The following F13B variants were observed in gnomAD, a reference collection of about 807,000 sequenced individuals.
F13B encodes the protein TGase.
F13B carries 58 observed loss-of-function variants against 79.8 expected under a neutral mutation model. That is an observed-to-expected ratio of 0.73 (90% confidence interval 0.59 to 0.90). The LOEUF is 0.90. Among genes scored for constraint, F13B ranks in the 40% least tolerant of loss-of-function variants. The pLI is 0.00. For synonymous variants in F13B, 283 were observed against 260.3 expected (o/e 1.09, Z -0.84); for missense variants, 773 against 777.0 (o/e 0.99, Z 0.06).
chr1:197,047,182 C>T (rs1420664484), intron 10 of F13B, among the ~76,000 whole-genome samples: 1 of 152,092 alleles, frequency 6.6e-6, no homozygotes, highest in East Asian at 1.9e-4. Flanking sequence ...AACTAAAGAG[C>T]TTCTGCACAG....
Position 197,039,120 on chromosome 1 carries a change from A to T in F13B, c.*258T>A. ...TAGTCAATGGGCATTAGGAAATGAAAATATGATGTGTAGATTAATTTGTAA... is the reference window on the plus strand; with the variant it reads ...TAGTCAATGGGCATTAGGAAATGAATATATGATGTGTAGATTAATTTGTAA... On this transcript the variant is annotated 3_prime_UTR_variant, in exon 12 of 12. Coordinates refer to ENST00000367412, the MANE Select transcript of F13B (RefSeq NM_001994.3). 2.4e-6 allele frequency: 1 copy of T among 422,640 alleles called. No homozygotes were observed. The highest frequency in any genetic ancestry group is 4.1e-5 in the East Asian group (1 of 24,104). 26.2% of individuals were successfully genotyped at this position (422,640 alleles called of 1,614,324 possible).
At position 197,040,003 on chromosome 1, in the gene F13B, C is replaced by T. The variant is rs182049759; in HGVS notation, c.1952+519G>A. The T allele has an allele frequency of 8.0e-4, 123 of 153,042 alleles. 1 individual carries two copies. The highest frequency in any genetic ancestry group is 8.0e-4 in the Non-Finnish European group (55 of 68,630). The allele number at this position is 153,042 out of a possible 1,614,324, so 9.5% of individuals were successfully genotyped here. On this transcript the variant is annotated intron_variant, in intron 11 of 11. Coordinates refer to ENST00000367412, the MANE Select transcript of F13B (RefSeq NM_001994.3). The stretch of plus-strand genomic sequence containing the variant: ...ACATCATTTTATTATACTTTTTTAA[C>T]ATTTCTCTAAGAAAATTGTTAAATT...
Position 197,041,320 on chromosome 1 carries a change from A to G in F13B, c.1739-585T>C, listed in dbSNP as rs566062265. ...GTTTTAAATTCTAAGCATACAAAGT[A>G]TAGTTGTGTCCTTTCCCATGTATCG... On this transcript the variant is annotated intron_variant, in intron 10 of 11. Coordinates refer to ENST00000367412, the MANE Select transcript of F13B (RefSeq NM_001994.3). Among the ~76,000 whole-genome samples, 17 of 152,326 alleles carry G rather than the reference A, an allele frequency of 1.1e-4. No individual in the cohort carries two copies. In the South Asian group the frequency reaches 3.5e-3, roughly 32 times the overall value.
rs190518227 is a variant in F13B, at chr1:197,060,843, T to C, written c.628+56A>G. On this transcript the variant is annotated intron_variant, in intron 4 of 11. Transcript: ENST00000367412. ...GAGCATGACAACTTATATACACTTC[T>C]CTATGAGAAAAAGCTTTCAGAGTGA... 895 of 1,497,646 alleles carry C rather than the reference T, an allele frequency of 6.0e-4. 1 individual carries two copies. The African/African-American group carries it at 0.01, about 17-fold the overall frequency. The allele number at this position is 1,497,646 out of a possible 1,614,324, so 92.8% of individuals were successfully genotyped here. A position where few individuals can be genotyped will look rare whatever the true frequency, so the allele number is the denominator to read the frequency against.
intron 8 of F13B, among the ~76,000 whole-genome samples, chr1:197,054,571 A>G (rs1036833380): frequency 1.3e-4 from 20 of 151,712 alleles, no homozygotes; most frequent in African/African-American, 1.9e-4. Flanking sequence ...ATGATTCTCA[A>G]TTGGATAAAA....
intron 11 of F13B, among the ~76,000 whole-genome samples, chr1:197,039,749 A>G (rs17514823): frequency 0.018 from 2,789 of 152,110 alleles, 87 homozygotes; most frequent in African/African-American, 0.063. Context: ...AATTTTTCCC[A>G]CTATTGTGTG....
chr1:197,065,256 C>G (rs1324095568), intron 1 of F13B, among the ~76,000 whole-genome samples: 1 of 152,130 alleles, frequency 6.6e-6, no homozygotes, highest in Non-Finnish European at 1.5e-5. Context: ...GACTCTCTGT[C>G]CTGGGACATC....
In F13B at chr1:197,050,759, A is replaced by C. The variant is rs547842597; in HGVS notation, c.1676T>G (p.Leu559Arg). 16 of 1,613,426 alleles carry C rather than the reference A, an allele frequency of 9.9e-6. 1 individual carries two copies. The Admixed American group carries it at 1.3e-4, about 13-fold the overall frequency. ...VEYRCFDHHF[L>R]EGSREAYCLD... is the part of the protein sequence containing the mutation. ...ACAATAGGCCTCCCTAGATCCTTCT[A>C]GGAAATGGTGATCAAAACATCTGTA... The change falls in exon 10 of 12, where the codon CTA becomes CGA. Residue 559 changes from leucine to arginine, a missense_variant. Coordinates refer to ENST00000367412, the MANE Select transcript of F13B (RefSeq NM_001994.3).
At chr1:197,051,578 C>T (rs1405959105) in intron 9 of F13B, among the ~76,000 whole-genome samples, 2 of 152,064 alleles carry the variant, frequency 1.3e-5, no homozygotes, top group South Asian at 2.1e-4. Context: ...AGTCTGGCAA[C>T]ATTTATAAAA....
chr1:197,058,957 T>C (rs1463392354), intron 5 of F13B, among the ~76,000 whole-genome samples: 1 of 152,180 alleles, frequency 6.6e-6, no homozygotes, highest in Non-Finnish European at 1.5e-5. Context: ...CCATTTATTT[T>C]TGAAGTAGCA....
At chr1:197,046,012 C>T (rs1029631788) in intron 10 of F13B, among the ~76,000 whole-genome samples, 2 of 152,064 alleles carry the variant, frequency 1.3e-5, no homozygotes, top group Non-Finnish European at 2.9e-5. Context: ...AGGGAATGTA[C>T]CTCAAAATAA....
chr1:197,040,448 C>T, intron 11 of F13B, 74 bp downstream of exon 11: 1 of 1,034,148 alleles, frequency 9.7e-7, no homozygotes, highest in Admixed American at 1.7e-5. Context: ...TGGTATAGAA[C>T]ATAACATTTC....
intron 10 of F13B, among the ~76,000 whole-genome samples, chr1:197,048,323 A>G (rs895039942): frequency 6.6e-6 from 1 of 151,870 alleles, no homozygotes; most frequent in Non-Finnish European, 1.5e-5. Context: ...CTATTCCATT[A>G]CAAGGGAAAA....
At chr1:197,062,758 T>C in intron 2 of F13B, 99 bp downstream of exon 2, 1 of 1,144,260 alleles carries the variant, frequency 8.7e-7, no homozygotes, top group Non-Finnish European at 1.3e-6. Flanking sequence ...TCTTATCTAC[T>C]AAAAGGTTTA....
chr1:197,057,237 T>C, intron 6 of F13B, 39 bp from the exon 7 acceptor site: 4 of 1,613,912 alleles, frequency 2.5e-6, no homozygotes, highest in Non-Finnish European at 2.5e-6. Flanking sequence ...ACCATTTAGC[T>C]ACACATGCAG....
At position 197,060,896 on chromosome 1, in the gene F13B, T is replaced by C; in HGVS notation, c.628+3A>G. On this transcript the variant is annotated splice_donor_region_variant and intron_variant, in intron 4 of 11. Transcript: ENST00000367412. The stretch of plus-strand genomic sequence containing the variant: ...GTAGATTTTATTCCAAATGAGAACC[T>C]ACTGGTACATTTTGGTGTGAGAGAC... 6.2e-7 allele frequency: 1 copy of C among 1,612,250 alleles called. No individual in the cohort carries two copies. The highest frequency in any genetic ancestry group is 8.5e-7 in the Non-Finnish European group (1 of 1,178,608).
chr1:197,063,136 C>T, intron 1 of F13B, 79 bp from the exon 2 acceptor site: 3 of 1,323,092 alleles, frequency 2.3e-6, no homozygotes, highest in Non-Finnish European at 3.2e-6. Context: ...ACAATACAAA[C>T]TAAAAGTTTT....
chr1:197,066,339 GC>G (rs1186767875), intron 1 of F13B, among the ~76,000 whole-genome samples: 5 of 152,036 alleles, frequency 3.3e-5, no homozygotes, highest in African/African-American at 1.2e-4. Flanking sequence ...AAGCTGTATT[GC>G]TGTAGCTTCC....
chr1:197,049,623 T>G (rs1655367698), intron 10 of F13B, among the ~76,000 whole-genome samples: 4 of 152,084 alleles, frequency 2.6e-5, no homozygotes, highest in Non-Finnish European at 5.9e-5. Flanking sequence ...CTTCTCTGGT[T>G]AACTCTTAAA....
Sources: gnomAD v4.1 joint callset for allele counts (sites outside exome capture counted in the v4.1 genomes callset) on GRCh38, gnomAD v4.1.1 for gene constraint, MANE v1.5 for transcripts, NCBI Gene and HGNC (gene_info 2026-07-23, HGNC 2026-07-21) for gene names.